TSHZ3: variants seen among roughly 807,000 people sequenced by gnomAD.
TSHZ3 encodes teashirt homolog 3.
A neutral mutation model predicts 64.5 loss-of-function variants in TSHZ3; 10 were observed. The ratio of observed to expected loss-of-function variants is 0.16; its 90% CI spans 0.10 to 0.26. TSHZ3 has a LOEUF of 0.26. Ranked by LOEUF, TSHZ3 falls within the 10% of genes least tolerant of loss-of-function variation. TSHZ3 has a pLI of 1.00. For missense variants in TSHZ3, 1,242 were observed against 1,421.7 expected (o/e 0.87, Z 2.03); for synonymous variants, 608 against 593.1 (o/e 1.03, Z -0.36).
At chr19:31,347,151 T>A (rs2021542237) in intron 1 of TSHZ3, among the ~76,000 whole-genome samples, 1 of 150,722 alleles carries the variant, frequency 6.6e-6, no homozygotes, top group African/African-American at 2.4e-5. Flanking sequence ...ATATAATGAA[T>A]TTTTCTTAAC....
At chr19:31,268,683 C>T (rs533336627) in intron 1 of TSHZ3, among the ~76,000 whole-genome samples, 1 of 152,104 alleles carries the variant, frequency 6.6e-6, no homozygotes, top group Non-Finnish European at 1.5e-5. Context: ...TTGTGCCACC[C>T]GAGAAGAATA....
chr19:31,257,912 G>A (rs776006890), intron 1 of TSHZ3, among the ~76,000 whole-genome samples: 14 of 152,156 alleles, frequency 9.2e-5, no homozygotes, highest in Admixed American at 2.0e-4. Flanking sequence ...GGTCTTTGCC[G>A]AGGGCTAGAT....
At chr19:31,271,261 C>T (rs919691295), downstream of TSHZ3, among the ~76,000 whole-genome samples, 43 of 152,226 alleles carry the variant, frequency 2.8e-4, no homozygotes, top group Admixed American at 2.6e-3. Flanking sequence ...GGTTCGCTGG[C>T]CTTTAAAATC....
intron 5 of TSHZ3, among the ~76,000 whole-genome samples, chr19:31,178,856 G>T (rs1974654612): frequency 6.6e-6 from 1 of 152,178 alleles, no homozygotes; most frequent in Admixed American, 6.5e-5. Context: ...CCTGAGCTGA[G>T]TCCTGGAGGA....
intron 5 of TSHZ3, among the ~76,000 whole-genome samples, chr19:31,202,771 A>G (rs7253893): frequency 0.11 from 16,989 of 152,292 alleles, 1,241 homozygotes; most frequent in Non-Finnish European, 0.17. Context: ...AAGTCAGTAC[A>G]TATAATACAA....
intron 1 of TSHZ3, among the ~76,000 whole-genome samples, chr19:31,340,444 C>T (rs1917398638): frequency 6.8e-6 from 1 of 147,572 alleles, no homozygotes; most frequent in Admixed American, 6.8e-5. Context: ...AAATAATTCC[C>T]AGCATCTGAA....
chr19:31,247,067 T>G (rs528059905), intron 1 of TSHZ3, among the ~76,000 whole-genome samples: 2 of 152,290 alleles, frequency 1.3e-5, no homozygotes, highest in East Asian at 3.9e-4. Context: ...TTCCTTGCAG[T>G]AGAAAGACAA....
intron 1 of TSHZ3, chr19:31,305,647 C>T (rs1374115950): frequency 6.6e-6 from 1 of 152,174 alleles, no homozygotes; most frequent in East Asian, 1.9e-4. Context: ...ACAAGTTCCA[C>T]AGGCAGGCTT....
intron 5 of TSHZ3, among the ~76,000 whole-genome samples, chr19:31,184,845 G>A (rs1974777853): frequency 6.6e-6 from 1 of 152,172 alleles, no homozygotes; most frequent in Admixed American, 6.5e-5. Context: ...GCCCAACCAA[G>A]AGTGAAAATG....
Position 31,240,441 on chromosome 19 carries a change from T to G in TSHZ3, n.550+1828A>C, listed in dbSNP as rs1353859477. 5.3e-5 allele frequency among the ~76,000 whole-genome samples: 8 copies of G among 152,332 alleles called. No homozygotes were observed. In the East Asian group the frequency reaches 1.5e-3, roughly 29 times the overall value. ...TGACACTTTCACAGAGTGCTTTTTA[T>G]GGCTTAATAGAAGACAGCTACAGTC... On this transcript the variant is annotated intron_variant and non_coding_transcript_variant, in intron 3 of 6. Transcript: ENST00000651361.
chr19:31,278,446 G>A lies in TSHZ3; in HGVS notation c.1347C>T (p.Ala449=), dbSNP rs2145213946. The change falls in exon 2 of 2, where the codon GCC becomes GCT. Residue 449 remains alanine, a synonymous_variant. Coordinates refer to ENST00000240587, the MANE Select transcript of TSHZ3 (RefSeq NM_020856.4). The surrounding 1 kb of genome is among the most constrained non-coding windows in gnomAD (Gnocchi z 4.7). ...TATTGGAGGGGGACGTGAAGGTGGT[G>A]GCTGCCAGGGGCACGGACTGGACCT... ...DEKVQSVPLA[A]TTFTSPSNTP... 3 of 1,614,168 alleles carry A rather than the reference G, an allele frequency of 1.9e-6. No individual in the cohort carries two copies. The highest frequency in any genetic ancestry group is 4.5e-5 in the East Asian group (2 of 44,852).
chr19:31,274,779 C>T (rs117212143), downstream of TSHZ3, among the ~76,000 whole-genome samples: 206 of 151,994 alleles, frequency 1.4e-3, no homozygotes, highest in East Asian at 0.032. Context: ...GCTCTCCAAA[C>T]GCCAAAGTTC....
At chr19:31,159,915 C>T (rs1435662262) in intron 5 of TSHZ3, among the ~76,000 whole-genome samples, 1 of 152,114 alleles carries the variant, frequency 6.6e-6, no homozygotes, top group African/African-American at 2.4e-5. Flanking sequence ...TGGTCTCAAA[C>T]TCCTGACCTC....
rs1197902590 is a variant in TSHZ3, at chr19:31,277,861, G to A, written c.1932C>T (p.Ser644=). 6.2e-7 allele frequency: 1 copy of A among 1,602,294 alleles called. No homozygotes were observed. Among genetic ancestry groups the A allele is most frequent in the Admixed American group, 1.7e-5 (1 of 58,544 alleles). The change falls in exon 2 of 2, where the codon TCC becomes TCT. Residue 644 remains serine (S), a synonymous_variant. Coordinates refer to ENST00000240587, the MANE Select transcript of TSHZ3 (RefSeq NM_020856.4). The surrounding 1 kb of genome is among the most constrained non-coding windows in gnomAD (Gnocchi z 4.5). ...GTTCCCCGACTTCGCTGCTACATGG[G>A]GAGGGAGTGGCCCGCTTGGGCGGGG... The part of the protein sequence containing the change: ...KLSPPKRATP[S]PCSSEVGEPI...
chr19:31,161,096 T>C (rs1974369153), intron 5 of TSHZ3, among the ~76,000 whole-genome samples: 1 of 152,220 alleles, frequency 6.6e-6, no homozygotes, highest in South Asian at 2.1e-4. Context: ...TGTATGTGTG[T>C]GTGTATCTCA....
intron 4 of TSHZ3, among the ~76,000 whole-genome samples, chr19:31,222,071 T>C (rs1303296816): frequency 6.6e-6 from 1 of 152,212 alleles, no homozygotes; most frequent in Non-Finnish European, 1.5e-5. Flanking sequence ...TTGCAGTCTA[T>C]TTTAAGCCAG....
At chr19:31,226,973 CTTTCTTTT>C (rs1975472486) in intron 4 of TSHZ3, among the ~76,000 whole-genome samples, 1 of 68,158 alleles carries the variant, frequency 1.5e-5, no homozygotes, top group African/African-American at 9.0e-5. Flanking sequence ...TTCTTTCTTT[CTTTCTTTT>C]TTTTTTTTTT....
intron 4 of TSHZ3, among the ~76,000 whole-genome samples, chr19:31,226,865 T>C (rs1175996765): frequency 6.6e-6 from 1 of 152,162 alleles, no homozygotes; most frequent in Non-Finnish European, 1.5e-5. Context: ...TAGGCATCTG[T>C]GATTTGTCTG....
intron 3 of TSHZ3, among the ~76,000 whole-genome samples, chr19:31,230,055 C>G (rs1311173203): frequency 6.6e-6 from 1 of 152,112 alleles, no homozygotes; most frequent in Admixed American, 6.5e-5. Context: ...AATTTATCCT[C>G]AGAAAATAAT....
Sources: gnomAD v4.1 joint callset for allele counts (sites outside exome capture counted in the v4.1 genomes callset) on GRCh38, gnomAD v4.1.1 for gene constraint, Gnocchi (gnomAD v3.1) non-coding constraint, MANE v1.5 for transcripts, NCBI Gene and HGNC (gene_info 2026-07-23, HGNC 2026-07-21) for gene names.